COL4A6: variants seen among roughly 807,000 people sequenced by gnomAD.
COL4A6 encodes collagen type IV alpha 6 chain.
Under a neutral mutation model 126.7 loss-of-function variants are expected in COL4A6, and 59 were observed. The ratio of observed to expected loss-of-function variants is 0.47; its 90% CI spans 0.38 to 0.58. COL4A6 has a LOEUF of 0.58. COL4A6 is among the 20% of genes least tolerant of loss of function. The probability of loss-of-function intolerance (pLI) is 0.00; values close to 1 mark genes in which losing one functional copy is unlikely to be tolerated. For synonymous variants in COL4A6, 547 were observed against 496.6 expected, an observed-to-expected ratio of 1.10 and a Z score of -1.35; for missense variants, 1,285 against 1,337.3, an observed-to-expected ratio of 0.96 and a Z score of 0.61.
chrX:108,276,072 T>C (rs1460231098), intron 3 of COL4A6, among the ~76,000 whole-genome samples: 1 of 113,010 alleles, frequency 8.8e-6, no homozygotes, highest in African/African-American at 3.2e-5. Context: ...GGAAATTTCA[T>C]TCGTGATTTC....
chrX:108,419,258 A>G (rs902535765), intron 2 of COL4A6, among the ~76,000 whole-genome samples: 1 of 112,203 alleles, frequency 8.9e-6, no homozygotes, highest in African/African-American at 3.2e-5. Flanking sequence ...ACAAACCTGC[A>G]ATAATACAAT....
intron 3 of COL4A6, among the ~76,000 whole-genome samples, chrX:108,249,452 A>G (rs960395085): frequency 9.0e-6 from 1 of 111,509 alleles, no homozygotes; most frequent in Admixed American, 9.5e-5. Context: ...AGCAAACACA[A>G]TCCTGTCCAG....
intron 3 of COL4A6, among the ~76,000 whole-genome samples, chrX:108,305,638 A>G (rs1373335295): frequency 8.9e-6 from 1 of 111,851 alleles, no homozygotes; most frequent in Non-Finnish European, 1.9e-5. Context: ...CCTAGATTGG[A>G]GAAATGGGTA....
chrX:108,243,225 C>T (rs757256553), intron 3 of COL4A6, among the ~76,000 whole-genome samples: 3 of 111,326 alleles, frequency 2.7e-5, no homozygotes, highest in Admixed American at 1.9e-4. Context: ...CATTTCCAGA[C>T]AGTCTGATTT....
intron 3 of COL4A6, among the ~76,000 whole-genome samples, chrX:108,241,530 T>C (rs2036572176): frequency 9.9e-6 from 1 of 100,965 alleles, no homozygotes; most frequent in African/African-American, 3.6e-5. Flanking sequence ...ATATACATAA[T>C]AATATAATAT....
At chrX:108,409,357 C>T (rs187517662) in intron 2 of COL4A6, among the ~76,000 whole-genome samples, 97 of 111,910 alleles carry the variant, frequency 8.7e-4, no homozygotes, top group African/African-American at 2.8e-3. Flanking sequence ...TTTATTATTT[C>T]GAATAATAAT....
In COL4A6 at chrX:108,311,190, G is replaced by A. The variant is rs573152255; in HGVS notation, c.64-362C>T. On this transcript the variant is annotated intron_variant, in intron 2 of 44. Transcript: ENST00000334504. ...TTATGGATTTGCACTCATTGGTAAA[G>A]AAGTAGCTGTAGCAGATAACTTGAG... is the stretch of plus-strand genomic sequence containing the variant. Among the ~76,000 whole-genome samples the A allele has an allele frequency of 1.9e-4, 21 of 112,017 alleles. No homozygotes were observed. In the South Asian group the frequency reaches 7.9e-3, roughly 42 times the overall value.
chrX:108,413,940 G>A (rs985664593), intron 2 of COL4A6, among the ~76,000 whole-genome samples: 1 of 112,024 alleles, frequency 8.9e-6, no homozygotes, highest in African/African-American at 3.2e-5. Context: ...CTCTCCTCAT[G>A]TCATTTGTTA....
At chrX:108,310,860 T>C (rs2038744257) in intron 2 of COL4A6, 32 bp from the exon 3 acceptor site, 1 of 1,106,566 alleles carries the variant, frequency 9.0e-7, no homozygotes, top group Non-Finnish European at 1.2e-6. Context: ...TAATAAACCA[T>C]GTGAACCAAG....
intron 3 of COL4A6, among the ~76,000 whole-genome samples, chrX:108,291,266 C>T (rs1013181940): frequency 8.9e-6 from 1 of 112,439 alleles, no homozygotes; most frequent in African/African-American, 3.2e-5. Context: ...CCATAATCCT[C>T]TCTGCTGGTG....
intron 3 of COL4A6, among the ~76,000 whole-genome samples, chrX:108,227,273 G>T (rs1438307379): frequency 8.9e-6 from 1 of 112,192 alleles, no homozygotes; most frequent in East Asian, 2.8e-4. Context: ...TGACTGAGAA[G>T]CCAGTGGCCC....
At chrX:108,169,392 A>G (rs1485851267) in intron 37 of COL4A6, 103 bp downstream of exon 37, 7 of 1,034,171 alleles carry the variant, frequency 6.8e-6, no homozygotes, top group Non-Finnish European at 7.9e-6. Flanking sequence ...ATGTGAAGAC[A>G]CTCACAGCCC....
At chrX:108,408,687 C>T (rs760872357) in intron 2 of COL4A6, among the ~76,000 whole-genome samples, 49 of 111,730 alleles carry the variant, frequency 4.4e-4, no homozygotes, top group Non-Finnish European at 8.3e-4. Flanking sequence ...TATGGCCAGG[C>T]ACGGTGGCTC....
At chrX:108,299,173 A>G (rs889908281) in intron 3 of COL4A6, among the ~76,000 whole-genome samples, 1 of 111,890 alleles carries the variant, frequency 8.9e-6, no homozygotes, top group African/African-American at 3.3e-5. Context: ...TTCTGAATTC[A>G]TAGAGTGTCT....
chrX:108,183,677 G>C (rs1304805601), intron 23 of COL4A6: 1 of 866,378 alleles, frequency 1.2e-6, no homozygotes, highest in African/African-American at 2.1e-5. Context: ...GGGGTGTTTA[G>C]CTAAGACTAG....
chrX:108,225,103 G>GTAGGA (rs2036130591), intron 3 of COL4A6, among the ~76,000 whole-genome samples: 1 of 111,115 alleles, frequency 9.0e-6, no homozygotes, highest in East Asian at 2.9e-4. Flanking sequence ...AGGTCACGTA[G>GTAGGA]CTAGTAGGAA....
intron 2 of COL4A6, among the ~76,000 whole-genome samples, chrX:108,340,391 C>CAATTT (rs2039530937): frequency 9.0e-6 from 1 of 111,253 alleles, no homozygotes; most frequent in South Asian, 3.8e-4. Flanking sequence ...ATAGTACAGA[C>CAATTT]CCAGTGTATA....
chrX:108,285,054 T>C (rs766505791), intron 3 of COL4A6, among the ~76,000 whole-genome samples: 1 of 111,837 alleles, frequency 8.9e-6, no homozygotes, highest in South Asian at 3.8e-4. Flanking sequence ...CAGCATTTTG[T>C]CAAGTCAAAA....
intron 3 of COL4A6, among the ~76,000 whole-genome samples, chrX:108,285,228 A>G (rs1047389324): frequency 3.6e-5 from 4 of 111,394 alleles, no homozygotes; most frequent in African/African-American, 1.3e-4. Context: ...GCCCAAGAGG[A>G]AAGAATCTTC....
Sources: gnomAD v4.1 joint callset for allele counts (sites outside exome capture counted in the v4.1 genomes callset) on GRCh38, gnomAD v4.1.1 for gene constraint, MANE v1.5 for transcripts, NCBI Gene and HGNC (gene_info 2026-07-23, HGNC 2026-07-21) for gene names.